ZNF157: variants seen among roughly 807,000 people sequenced by gnomAD.
ZNF157 encodes the protein zinc finger protein 22.
A neutral mutation model predicts 9.4 loss-of-function variants in ZNF157; 8 were observed. The observed-to-expected ratio is 0.85, with a 90% CI of 0.50 to 1.53. ZNF157 has a LOEUF of 1.53. ZNF157 is among the 40% of genes most tolerant of loss of function. ZNF157 has a pLI of 0.00. For synonymous variants in ZNF157, 120 were observed against 130.8 expected (o/e 0.92, Z 0.56); for missense variants, 316 against 385.2 (o/e 0.82, Z 1.50).
chrX:47,398,740 G>A (rs1241915302), intron 1 of ZNF157, among the ~76,000 whole-genome samples: 2 of 109,993 alleles, frequency 1.8e-5, no homozygotes, highest in Non-Finnish European at 3.8e-5. Flanking sequence ...GGAATGCAAT[G>A]GTGCGATCTT....
At chrX:47,373,015 C>T (rs767001337) in intron 1 of ZNF157, among the ~76,000 whole-genome samples, 1 of 108,262 alleles carries the variant, frequency 9.2e-6, no homozygotes, top group Admixed American at 1.0e-4. Context: ...GCCTGACCAA[C>T]ATGATAAAAC....
intron 1 of ZNF157, among the ~76,000 whole-genome samples, chrX:47,385,493 A>G (rs1336186528): frequency 9.1e-6 from 1 of 109,914 alleles, no homozygotes; most frequent in Non-Finnish European, 1.9e-5. Context: ...GATAGAAAGA[A>G]TAACAAACTC....
intron 1 of ZNF157, chrX:47,390,196 A>C (rs1436290397): frequency 9.0e-6 from 1 of 111,452 alleles, no homozygotes; most frequent in East Asian, 2.8e-4. Context: ...CAATATCCAG[A>C]TGACTAGAAA....
intron 1 of ZNF157, among the ~76,000 whole-genome samples, chrX:47,380,546 GT>G (rs1304063035): frequency 9.1e-6 from 1 of 110,155 alleles, no homozygotes; most frequent in Non-Finnish European, 1.9e-5. Context: ...TACCAGCGGA[GT>G]GTTCCTAAAG....
intron 1 of ZNF157, among the ~76,000 whole-genome samples, chrX:47,393,054 C>G (rs1360213333): frequency 1.8e-5 from 2 of 110,012 alleles, no homozygotes; most frequent in African/African-American, 6.6e-5. Flanking sequence ...TCTCAGGAGG[C>G]TGAGGCAGGA....
chrX:47,393,179 T>C (rs2055902575), intron 1 of ZNF157, among the ~76,000 whole-genome samples: 1 of 110,047 alleles, frequency 9.1e-6, no homozygotes, highest in Admixed American at 9.8e-5. Context: ...CTCCTGTTGC[T>C]CTGCTCTCTT....
chrX:47,381,071 A>T (rs755985766), intron 1 of ZNF157, among the ~76,000 whole-genome samples: 1 of 104,427 alleles, frequency 9.6e-6, no homozygotes, highest in Non-Finnish European at 2.0e-5. Flanking sequence ...CAGGAGGAGG[A>T]GGAGCAGGAG....
At chrX:47,406,385 T>C (rs1282931130) in intron 1 of ZNF157, among the ~76,000 whole-genome samples, 3 of 110,567 alleles carry the variant, frequency 2.7e-5, no homozygotes, top group Non-Finnish European at 3.8e-5. Flanking sequence ...TCTCTTTTTC[T>C]TTTTTTGAGA....
Position 47,413,830 on chromosome X carries a change from T to C in ZNF157, c.*236T>C. On this transcript the variant is annotated 3_prime_UTR_variant, in exon 4 of 4. Coordinates refer to ENST00000377073, the MANE Select transcript of ZNF157 (RefSeq NM_003446.4). ...ATTGACTGTTCATGTCCTCTGCTCA[T>C]TGTTTTCAAATGGGCTGTTCATCTC... is the stretch of plus-strand genomic sequence containing the variant. 1 of 332,164 alleles carries C rather than the reference T, an allele frequency of 3.0e-6. No homozygotes were observed. Among genetic ancestry groups the C allele is most frequent in the Non-Finnish European group, 4.8e-6 (1 of 206,585 alleles). The allele number at this position is 332,164 out of a possible 1,213,427, so 27.4% of individuals were successfully genotyped here.
rs1009854912 is a variant in ZNF157, at chrX:47,410,331, G to T, written c.128G>T (p.Arg43Ile). ...GATTTCACCCGACAGGAGTGGCACAGACTGGACCCTGCTCAGAGGACCATG... is the reference window on the plus strand; with the variant it reads ...GATTTCACCCGACAGGAGTGGCACATACTGGACCCTGCTCAGAGGACCATG... ...AVDFTRQEWHRLDPAQRTMHK... is the reference protein window; with the variant it reads ...AVDFTRQEWHILDPAQRTMHK... Residue 43 changes from arginine (R) to isoleucine (I), a missense_variant, in exon 2 of 4, where the codon AGA becomes ATA. Physicochemically the swap from Arg to Ile is moderately conservative, Grantham distance 97. Around this residue, in one of 3 missense-constraint regions of ZNF157, gnomAD observed 146 missense variants for 183.8 expected, o/e 0.79. Transcript: ENST00000377073. 1.7e-6 allele frequency: 2 copies of T among 1,209,646 alleles called. No individual in the cohort carries two copies.
chrX:47,382,160 A>G (rs781239961), intron 1 of ZNF157, among the ~76,000 whole-genome samples: 22 of 110,647 alleles, frequency 2.0e-4, no homozygotes, highest in African/African-American at 6.6e-4. Context: ...AGAGGAAGCA[A>G]TCAGATACCC....
At chrX:47,412,202 G>A (rs369521599) in intron 3 of ZNF157, among the ~76,000 whole-genome samples, 167 bp from the exon 4 acceptor site, 387 of 111,932 alleles carry the variant, frequency 3.5e-3, no homozygotes, top group Non-Finnish European at 5.5e-3. Context: ...CAAGTGATCC[G>A]CCTGCCTTGG....
At chrX:47,400,831 AT>A (rs776978903) in intron 1 of ZNF157, among the ~76,000 whole-genome samples, 1 of 110,562 alleles carries the variant, frequency 9.0e-6, no homozygotes, top group Admixed American at 9.7e-5. Flanking sequence ...AATTTTTTAT[AT>A]TTTTTGTAGA....
chrX:47,379,483 C>T (rs12012563), intron 1 of ZNF157, among the ~76,000 whole-genome samples: 7,969 of 102,399 alleles, frequency 0.078, 867 homozygotes, highest in African/African-American at 0.27. Context: ...TGCGGTGGTG[C>T]GATCTCGGCT....
intron 1 of ZNF157, 126 bp downstream of exon 1, chrX:47,370,866 A>C: frequency 1.7e-6 from 1 of 577,638 alleles, no homozygotes; most frequent in South Asian, 4.2e-5. Flanking sequence ...TTTTGTCCCC[A>C]GTAGTAACAT....
At chrX:47,399,571 C>T (rs1161085209) in intron 1 of ZNF157, among the ~76,000 whole-genome samples, 5 of 112,188 alleles carry the variant, frequency 4.5e-5, no homozygotes. Flanking sequence ...ATCTCGGAAT[C>T]TATCTAGCAA....
At chrX:47,399,825 A>G (rs748678950) in intron 1 of ZNF157, among the ~76,000 whole-genome samples, 1 of 110,721 alleles carries the variant, frequency 9.0e-6, no homozygotes, top group Non-Finnish European at 1.9e-5. Flanking sequence ...GTTTACAGGC[A>G]TACACCATCA....
At chrX:47,373,204 A>G (rs2055833956) in intron 1 of ZNF157, among the ~76,000 whole-genome samples, 1 of 110,974 alleles carries the variant, frequency 9.0e-6, no homozygotes, top group Non-Finnish European at 1.9e-5. Flanking sequence ...GTCTTAAAAA[A>G]AAATCCTTTA....
chrX:47,399,790 C>G (rs911572469), intron 1 of ZNF157, among the ~76,000 whole-genome samples: 16 of 110,844 alleles, frequency 1.4e-4, no homozygotes, highest in Non-Finnish European at 2.5e-4. Flanking sequence ...AGCAATCCTC[C>G]CACTTCAGCC....
Sources: gnomAD v4.1 joint callset for allele counts (sites outside exome capture counted in the v4.1 genomes callset) on GRCh38, gnomAD v4.1.1 for gene constraint, gnomAD v4.1.1 regional missense constraint, MANE v1.5 for transcripts, NCBI Gene and HGNC (gene_info 2026-07-23, HGNC 2026-07-21) for gene names.